The following CECR2 variants were observed in gnomAD, a reference collection of about 807,000 sequenced individuals.
CECR2 encodes CECR2 histone acetyl-lysine reader, also known as chromatin remodeling regulator CECR2.
CECR2 carries 30 observed loss-of-function variants against 154.5 expected under a neutral mutation model. That is an observed-to-expected ratio of 0.19 (90% CI 0.15 to 0.26). The LOEUF is 0.26. Among genes scored for constraint, CECR2 ranks in the 10% least tolerant of loss-of-function variants. CECR2 has a pLI of 1.00. For missense variants in CECR2, 1,743 were observed against 1,829.3 expected, an observed-to-expected ratio of 0.95 and a Z score of 0.86; for synonymous variants, 725 against 683.7, an observed-to-expected ratio of 1.06 and a Z score of -0.94.
chr22:17,367,032 A>G (rs1328292421), upstream of CECR2, among the ~76,000 whole-genome samples: 3 of 152,196 alleles, frequency 2.0e-5, no homozygotes, highest in Non-Finnish European at 4.4e-5. Context: ...AGGAAAGGGC[A>G]GCAGAAGGGA....
At position 17,542,772 on chromosome 22, in the gene CECR2, G is replaced by T. The variant is rs756433243; in HGVS notation, c.2629G>T (p.Asp877Tyr). 3 of 1,613,978 alleles carry T rather than the reference G, an allele frequency of 1.9e-6. No individual in the cohort carries two copies. The highest frequency in any genetic ancestry group is 1.3e-5 in the African/African-American group (1 of 75,028). The change falls in exon 16 of 19, where the codon GAC becomes TAC. Residue 877 changes from aspartate (D) to tyrosine (Y), a missense_variant. This residue lies in a region of CECR2 where 1,250 missense variants were observed against 1,192.1 expected (regional missense o/e 1.05). Coordinates refer to ENST00000262608, the MANE Select transcript of CECR2 (RefSeq NM_001290047.2). ...AQALRGVQGGDSMMDSPEMIA... is the reference protein window; with the variant it reads ...AQALRGVQGGYSMMDSPEMIA... ...GGCTCTTCGGGGGGTGCAGGGAGGG[G>T]ACTCCATGATGGACAGCCCAGAGAT...
At chr22:17,526,525 C>A (rs562114909) in intron 9 of CECR2, among the ~76,000 whole-genome samples, 110 of 152,200 alleles carry the variant, frequency 7.2e-4, no homozygotes, top group African/African-American at 2.5e-3. Flanking sequence ...ATAATTATAT[C>A]TAAGGCCGGG....
chr22:17,373,906 G>C (rs1322394097), intron 1 of CECR2, among the ~76,000 whole-genome samples: 1 of 152,138 alleles, frequency 6.6e-6, no homozygotes, highest in Non-Finnish European at 1.5e-5. Flanking sequence ...AGTGGCTTAG[G>C]TTGGCTAAGT....
At chr22:17,512,413 A>G (rs2055973543) in intron 8 of CECR2, among the ~76,000 whole-genome samples, 1 of 152,006 alleles carries the variant, frequency 6.6e-6, no homozygotes, top group South Asian at 2.1e-4. Context: ...AAAACAGTAT[A>G]TATTAGAGCC....
Position 17,549,407 on chromosome 22 carries a change from C to T in CECR2, c.4120C>T (p.His1374Tyr). 1.1e-5 allele frequency: 17 copies of T among 1,613,788 alleles called. No homozygotes were observed. Among genetic ancestry groups the T allele is most frequent in the Non-Finnish European group, 1.4e-5 (17 of 1,179,818 alleles). ...CCCTGTGGCTGCCCTCCCACCTCAC[C>T]ACCCAGGGGCCACCCAGCCCAACGG... ...SSPVAALPPH[H>Y]PGATQPNGLS... Residue 1374 changes from histidine to tyrosine, a missense_variant, in exon 17 of 19, where the codon CAC becomes TAC. His to Tyr is a moderately conservative substitution (Grantham distance 83). Transcript: ENST00000262608.
At chr22:17,515,224 G>C (rs1278450769) in intron 8 of CECR2, among the ~76,000 whole-genome samples, 1 of 152,204 alleles carries the variant, frequency 6.6e-6, no homozygotes, top group African/African-American at 2.4e-5. Flanking sequence ...ATTCAGCTAA[G>C]CAGGAGGTGT....
chr22:17,500,795 A>G, intron 5 of CECR2, 60 bp downstream of exon 5: 1 of 1,208,124 alleles, frequency 8.3e-7, no homozygotes, highest in Non-Finnish European at 1.2e-6. Context: ...TAATTCATTT[A>G]TTCCTTTTTC....
chr22:17,507,215 T>C (rs1193161831), intron 7 of CECR2, among the ~76,000 whole-genome samples: 5 of 152,158 alleles, frequency 3.3e-5, no homozygotes, highest in Non-Finnish European at 7.3e-5. Flanking sequence ...TTAGGGAAAG[T>C]CCTAGAAATT....
chr22:17,517,997 G>A (rs1345933353), intron 8 of CECR2, among the ~76,000 whole-genome samples: 1 of 152,196 alleles, frequency 6.6e-6, no homozygotes, highest in Non-Finnish European at 1.5e-5. Flanking sequence ...CCAGTTAAGG[G>A]CTTTGACACT....
intron 1 of CECR2, among the ~76,000 whole-genome samples, chr22:17,441,479 A>C (rs1426754197): frequency 1.3e-5 from 2 of 152,160 alleles, no homozygotes; most frequent in African/African-American, 4.8e-5. Context: ...TAAATCACTC[A>C]CCATGATTTG....
At chr22:17,478,728 A>G (rs986661376) in intron 2 of CECR2, among the ~76,000 whole-genome samples, 1 of 152,160 alleles carries the variant, frequency 6.6e-6, no homozygotes, top group African/African-American at 2.4e-5. Context: ...TTAATGTGCA[A>G]TAAAGTTGTA....
chr22:17,480,577 C>G (rs1259433651), intron 2 of CECR2, among the ~76,000 whole-genome samples: 3 of 152,084 alleles, frequency 2.0e-5, no homozygotes, highest in Non-Finnish European at 4.4e-5. Flanking sequence ...ACTTTTTTCC[C>G]TGAAGGGAAT....
chr22:17,464,722 A>G (rs1031519810), intron 1 of CECR2, among the ~76,000 whole-genome samples: 1 of 152,054 alleles, frequency 6.6e-6, no homozygotes, highest in African/African-American at 2.4e-5. Context: ...GCTGGTCTTA[A>G]ACTCCTCGAC....
intron 8 of CECR2, among the ~76,000 whole-genome samples, chr22:17,517,870 AAC>A (rs1192317747): frequency 6.6e-6 from 1 of 152,154 alleles, no homozygotes; most frequent in Admixed American, 6.5e-5. Context: ...TTACCTTTAA[AAC>A]ACTTCTCTAG....
chr22:17,361,771 A>T (rs1381095336), intron 1 of CECR2, among the ~76,000 whole-genome samples: 1 of 151,502 alleles, frequency 6.6e-6, no homozygotes, highest in Non-Finnish European at 1.5e-5. Flanking sequence ...AGAGAGAGAG[A>T]GTGACTGGTG....
intron 1 of CECR2, among the ~76,000 whole-genome samples, chr22:17,446,844 A>T (rs111409542): frequency 8.1e-4 from 123 of 152,144 alleles, no homozygotes; most frequent in African/African-American, 2.8e-3. Context: ...TGAGGTGGCC[A>T]GCTTTATTCC....
chr22:17,383,244 CT>C (rs1454884831), intron 1 of CECR2, among the ~76,000 whole-genome samples: 2 of 151,928 alleles, frequency 1.3e-5, no homozygotes, highest in Admixed American at 1.3e-4. Context: ...AAAAAAAATC[CT>C]AATGATCATC....
intron 1 of CECR2, among the ~76,000 whole-genome samples, chr22:17,408,778 A>G (rs928489982): frequency 6.6e-6 from 1 of 152,212 alleles, no homozygotes; most frequent in Non-Finnish European, 1.5e-5. Context: ...CCTTGTATTC[A>G]TGAAACAAAA....
chr22:17,537,743 A>T (rs934755824), intron 10 of CECR2, among the ~76,000 whole-genome samples: 3 of 152,216 alleles, frequency 2.0e-5, no homozygotes, highest in African/African-American at 7.2e-5. Flanking sequence ...CTGTAATCCC[A>T]GCACTTTGGG....
Sources: allele counts gnomAD v4.1 joint callset (sites outside exome capture counted in the v4.1 genomes callset), GRCh38; gene constraint gnomAD v4.1.1; regional missense constraint gnomAD v4.1.1; transcripts MANE v1.5; gene names NCBI Gene and HGNC (gene_info 2026-07-23, HGNC 2026-07-21).